Variants in GPC6 observed in about 807,000 individuals in gnomAD.
GPC6 encodes glypican-6.
Under a neutral mutation model 55.2 loss-of-function variants are expected in GPC6, and 14 were observed. The observed-to-expected ratio is 0.25, with a 90% CI of 0.17 to 0.40. The LOEUF (loss-of-function observed/expected upper bound fraction) is 0.40, where lower values mean the gene tolerates loss of function less well. GPC6 is among the 10% of genes least tolerant of loss of function. The pLI is 1.00. For missense variants in GPC6, 641 were observed against 708.5 expected (o/e 0.90, Z 1.08); for synonymous variants, 278 against 259.6 (o/e 1.07, Z -0.68).
intron 4 of GPC6, among the ~76,000 whole-genome samples, chr13:94,281,904 A>G (rs1892395205): frequency 6.6e-6 from 1 of 152,202 alleles, no homozygotes; most frequent in African/African-American, 2.4e-5. Flanking sequence ...TCTGGACAAC[A>G]CTTTATTTTT....
chr13:93,345,795 C>T (rs939107884), intron 1 of GPC6, among the ~76,000 whole-genome samples: 4 of 152,086 alleles, frequency 2.6e-5, no homozygotes, highest in East Asian at 1.9e-4. Flanking sequence ...AATTTTACCA[C>T]GTCTTGTTTG....
At chr13:93,266,721 G>A (rs1161064658) in intron 1 of GPC6, among the ~76,000 whole-genome samples, 1 of 152,146 alleles carries the variant, frequency 6.6e-6, no homozygotes, top group Non-Finnish European at 1.5e-5. Flanking sequence ...GTTAAATATA[G>A]TTAATGTTAA....
intron 1 of GPC6, among the ~76,000 whole-genome samples, chr13:93,408,834 C>T (rs1876390984): frequency 6.6e-6 from 1 of 151,888 alleles, no homozygotes; most frequent in African/African-American, 2.4e-5. Flanking sequence ...GGGATGGGGC[C>T]ATATAATCCT....
At chr13:93,396,694 C>G (rs73550977) in intron 1 of GPC6, among the ~76,000 whole-genome samples, 2 of 151,940 alleles carry the variant, frequency 1.3e-5, no homozygotes, top group Non-Finnish European at 2.9e-5. Flanking sequence ...CCTCATCTTT[C>G]TAGGTTTAAG....
chr13:94,391,218 T>G (rs1468545041), intron 7 of GPC6, among the ~76,000 whole-genome samples: 1 of 152,220 alleles, frequency 6.6e-6, no homozygotes. Context: ...AATTCAGGCT[T>G]TAAAATTTCA....
intron 2 of GPC6, among the ~76,000 whole-genome samples, chr13:93,661,654 C>T (rs1880926986): frequency 6.6e-6 from 1 of 152,092 alleles, no homozygotes; most frequent in Non-Finnish European, 1.5e-5. Context: ...CTCAACTACC[C>T]AGAGAGAAAT....
chr13:94,093,401 G>A (rs1177599741), intron 4 of GPC6, among the ~76,000 whole-genome samples: 2 of 151,916 alleles, frequency 1.3e-5, no homozygotes, highest in African/African-American at 4.8e-5. Context: ...GGTTTTTGAA[G>A]GTTAATTGAC....
chr13:94,186,405 A>G (rs1369581352), intron 4 of GPC6, among the ~76,000 whole-genome samples: 1 of 152,212 alleles, frequency 6.6e-6, no homozygotes, highest in Non-Finnish European at 1.5e-5. Context: ...ATTTCGTATC[A>G]TTGTCTTACC....
At position 93,411,381 on chromosome 13, in the gene GPC6, G is replaced by T. The variant is rs9561341; in HGVS notation, c.161-133882G>T. On this transcript the variant is annotated intron_variant, in intron 1 of 8. Transcript: ENST00000377047. ...TTCCCAGCAACCAAGGCAGACCCTTGGGCTGTACTTTGTGTCAGTCTGATT... is the reference window on the plus strand; with the variant it reads ...TTCCCAGCAACCAAGGCAGACCCTTTGGCTGTACTTTGTGTCAGTCTGATT... 0.016 allele frequency among the ~76,000 whole-genome samples: 2,366 copies of T among 152,234 alleles called. 220 individuals are homozygous for T. The East Asian group carries it at 0.27, about 18-fold the overall frequency.
At chr13:93,895,314 G>T (rs1460323001) in intron 3 of GPC6, among the ~76,000 whole-genome samples, 1 of 144,626 alleles carries the variant, frequency 6.9e-6, no homozygotes, top group Admixed American at 7.0e-5. Context: ...TATGAACCCT[G>T]CATGAATTTG....
At chr13:93,941,632 C>T (rs1046573669) in intron 3 of GPC6, among the ~76,000 whole-genome samples, 1 of 152,172 alleles carries the variant, frequency 6.6e-6, no homozygotes, top group African/African-American at 2.4e-5. Flanking sequence ...TCAACTTCTT[C>T]CACATGAATG....
chr13:93,904,903 T>A (rs1164582436), intron 3 of GPC6, among the ~76,000 whole-genome samples: 1 of 151,314 alleles, frequency 6.6e-6, no homozygotes, highest in African/African-American at 2.4e-5. Context: ...ATTAGGTATA[T>A]CTCCCAATGC....
At chr13:94,096,508 A>AT (rs1419281959) in intron 4 of GPC6, among the ~76,000 whole-genome samples, 4 of 152,032 alleles carry the variant, frequency 2.6e-5, no homozygotes, top group African/African-American at 4.8e-5. Context: ...ATCACATATG[A>AT]TTTTTTTCCC....
intron 3 of GPC6, among the ~76,000 whole-genome samples, chr13:93,837,807 G>T (rs927331278): frequency 6.6e-6 from 1 of 152,168 alleles, no homozygotes; most frequent in Non-Finnish European, 1.5e-5. Context: ...ATGTGTTAAA[G>T]GTTGCATAGG....
chr13:93,949,312 A>T (rs972591656), intron 3 of GPC6, among the ~76,000 whole-genome samples: 1 of 152,238 alleles, frequency 6.6e-6, no homozygotes, highest in Non-Finnish European at 1.5e-5. Flanking sequence ...CCTGGCATAG[A>T]CAATGACATT....
chr13:94,172,369 T>G (rs1888601828), intron 4 of GPC6, among the ~76,000 whole-genome samples: 1 of 152,210 alleles, frequency 6.6e-6, no homozygotes, highest in Non-Finnish European at 1.5e-5. Flanking sequence ...CAGTATATTA[T>G]TAAATTTCTC....
chr13:93,863,079 A>G (rs1031299928), intron 3 of GPC6, among the ~76,000 whole-genome samples: 1 of 151,680 alleles, frequency 6.6e-6, no homozygotes, highest in South Asian at 2.1e-4. Context: ...AGGTGATATG[A>G]TATGTGCTAT....
At chr13:94,115,173 T>G (rs983297833) in intron 4 of GPC6, among the ~76,000 whole-genome samples, 1 of 152,182 alleles carries the variant, frequency 6.6e-6, no homozygotes, top group Admixed American at 6.5e-5. Flanking sequence ...CTTTGAAGGA[T>G]GTACTTCATC....
intron 1 of GPC6, among the ~76,000 whole-genome samples, chr13:93,462,687 A>G (rs978144756): frequency 7.2e-5 from 11 of 152,040 alleles, no homozygotes; most frequent in African/African-American, 2.2e-4. Context: ...GAACATATAA[A>G]TGAAAGAGCA....
Sources: gnomAD v4.1 joint callset for allele counts (sites outside exome capture counted in the v4.1 genomes callset) on GRCh38, gnomAD v4.1.1 for gene constraint, MANE v1.5 for transcripts, NCBI Gene and HGNC (gene_info 2026-07-23, HGNC 2026-07-21) for gene names.